The following TANK variants were observed in gnomAD, a reference collection of about 807,000 sequenced individuals.
TANK encodes the protein TRAF family member associated NFKB activator.
In TANK, 15 loss-of-function variants were observed where a neutral mutation model predicts 43.6. The ratio of observed to expected loss-of-function variants is 0.34; its 90% CI spans 0.23 to 0.53. TANK has a LOEUF of 0.53. Ranked by LOEUF, TANK falls within the 20% of genes least tolerant of loss-of-function variation. The probability of loss-of-function intolerance (pLI) is 0.94; values close to 1 mark genes in which losing one functional copy is unlikely to be tolerated. For missense variants in TANK, 417 were observed against 498.6 expected (o/e 0.84, Z 1.56); for synonymous variants, 162 against 178.2 (o/e 0.91, Z 0.73).
chr2:161,160,352 G>T, upstream of TANK: 2 of 1,047,696 alleles, frequency 1.9e-6, no homozygotes, highest in Non-Finnish European at 2.4e-6. Context: ...TTGTTGGGTG[G>T]AGGTGAAGAG....
At chr2:161,194,382 T>A (rs1686051804) in intron 2 of TANK, among the ~76,000 whole-genome samples, 2 of 152,112 alleles carry the variant, frequency 1.3e-5, no homozygotes, top group African/African-American at 2.4e-5. Flanking sequence ...AGCATTCTCC[T>A]TAATTCTAAA....
In TANK at chr2:161,231,139, C is replaced by T; in HGVS notation, c.689C>T (p.Ser230Phe). 6.2e-7 allele frequency: 1 copy of T among 1,614,076 alleles called. No homozygotes were observed. Among genetic ancestry groups the T allele is most frequent in the East Asian group, 2.2e-5 (1 of 44,888 alleles). ...DEEDTSFESL[S>F]KFNVKFPPMD... ...GAAGACACCTCTTTTGAATCACTTT[C>T]TAAATTCAATGTCAAGTTTCCACCT... Residue 230 changes from serine to phenylalanine, a missense_variant, in exon 7 of 8, where the codon TCT (serine) becomes TTT (phenylalanine). Coordinates refer to ENST00000392749, the MANE Select transcript of TANK (RefSeq NM_001199135.3).
At chr2:161,165,446 G>A (rs1328621982) in intron 1 of TANK, among the ~76,000 whole-genome samples, 3 of 152,066 alleles carry the variant, frequency 2.0e-5, no homozygotes, top group Non-Finnish European at 2.9e-5. Context: ...TTTATTATGT[G>A]GCATTTACTG....
At chr2:161,153,687 C>CAAAAAAA (rs11395042) in intron 1 of TANK, among the ~76,000 whole-genome samples, 3 of 76,320 alleles carry the variant, frequency 3.9e-5, no homozygotes, top group African/African-American at 5.6e-5. Context: ...GGCCCTGTCT[C>CAAAAAAA]AAAAAAAAAA....
chr2:161,213,584 C>T (rs1240463394), intron 4 of TANK, among the ~76,000 whole-genome samples: 3 of 140,168 alleles, frequency 2.1e-5, no homozygotes, highest in Non-Finnish European at 3.0e-5. Context: ...CCTGGGCAAG[C>T]GTGAGACTTT....
intron 1 of TANK, chr2:161,137,156 A>G (rs1683610630): frequency 7.1e-6 from 7 of 985,326 alleles, no homozygotes; most frequent in Non-Finnish European, 8.4e-6. Context: ...TTACCCTCTT[A>G]CTCTTGCTAT....
chr2:161,206,411 A>G (rs1686655687), intron 4 of TANK, among the ~76,000 whole-genome samples: 1 of 152,176 alleles, frequency 6.6e-6, no homozygotes, highest in Non-Finnish European at 1.5e-5. Flanking sequence ...CCTTCTAAAT[A>G]AAGTAGGAGA....
chr2:161,162,299 T>C (rs1209477986), intron 1 of TANK, among the ~76,000 whole-genome samples: 1 of 152,132 alleles, frequency 6.6e-6, no homozygotes, highest in Non-Finnish European at 1.5e-5. Flanking sequence ...TGAATATAAT[T>C]GCATTATCTT....
chr2:161,152,537 T>C (rs533071477), intron 1 of TANK, among the ~76,000 whole-genome samples: 8 of 152,280 alleles, frequency 5.3e-5, no homozygotes, highest in Admixed American at 3.3e-4. Context: ...GCACATAATG[T>C]GTCACTTCTT....
chr2:161,185,598 A>G (rs1685621122), intron 2 of TANK, among the ~76,000 whole-genome samples: 1 of 151,658 alleles, frequency 6.6e-6, no homozygotes, highest in Non-Finnish European at 1.5e-5. Context: ...CATTCTCAGT[A>G]AACTATTGCA....
At chr2:161,231,748 G>C (rs1687920234) in intron 7 of TANK, among the ~76,000 whole-genome samples, 197 bp downstream of exon 7, 1 of 152,134 alleles carries the variant, frequency 6.6e-6, no homozygotes, top group Admixed American at 6.5e-5. Flanking sequence ...AACTTTATTG[G>C]AAAGTACCTT....
Position 161,199,021 on chromosome 2 carries a change from T to TCTTA in TANK, c.100-4465_100-4462dup, listed in dbSNP as rs202212102. Among the ~76,000 whole-genome samples, 481 of 152,302 alleles carry TCTTA rather than the reference T, an allele frequency of 3.2e-3. 10 individuals carry two copies. The highest frequency in any genetic ancestry group is 0.024 in the Admixed American group (366 of 15,294). ...AAGAAAACTCAAAATTGAAGTTGAT[T>TCTTA]CTTAGCTTACCAAAATTTCAAGATG... is the stretch of plus-strand genomic sequence containing the variant. On this transcript the variant is annotated intron_variant, in intron 2 of 7. Coordinates refer to ENST00000392749, the MANE Select transcript of TANK (RefSeq NM_001199135.3).
chr2:161,228,513 C>T (rs1183116170), intron 6 of TANK, among the ~76,000 whole-genome samples: 1 of 151,884 alleles, frequency 6.6e-6, no homozygotes, highest in Non-Finnish European at 1.5e-5. Context: ...CCAGCCTGGG[C>T]AACAAGAGCG....
chr2:161,160,276 C>CGGGGCGGGCA (rs1469278366), upstream of TANK: 1 of 237,998 alleles, frequency 4.2e-6, no homozygotes, highest in East Asian at 5.4e-5. Flanking sequence ...GGGCGCTAGG[C>CGGGGCGGGCA]GGGGCGGGCA....
chr2:161,182,341 C>T (rs1027529975), intron 2 of TANK, among the ~76,000 whole-genome samples: 1 of 152,086 alleles, frequency 6.6e-6, no homozygotes, highest in African/African-American at 2.4e-5. Context: ...CCTCTCCCCT[C>T]CCCAAGTTGC....
At chr2:161,145,220 T>C (rs1683876168) in intron 1 of TANK, among the ~76,000 whole-genome samples, 2 of 149,632 alleles carry the variant, frequency 1.3e-5, no homozygotes, top group South Asian at 2.1e-4. Flanking sequence ...ATGTGTGTCT[T>C]TGCATGTGAG....
intron 6 of TANK, 26 bp downstream of exon 6, chr2:161,224,772 A>G: frequency 7.5e-7 from 1 of 1,328,042 alleles, no homozygotes; most frequent in Non-Finnish European, 1.0e-6. Flanking sequence ...ATTTACAGTA[A>G]TATTGATTTG....
intron 1 of TANK, among the ~76,000 whole-genome samples, chr2:161,174,957 TAATTA>T (rs1455735555): frequency 6.6e-6 from 1 of 152,184 alleles, no homozygotes; most frequent in Non-Finnish European, 1.5e-5. Context: ...TGCCGTTTGA[TAATTA>T]AATAAAAGGA....
chr2:161,214,682 A>G (rs1376059690), intron 4 of TANK, among the ~76,000 whole-genome samples: 4 of 152,172 alleles, frequency 2.6e-5, no homozygotes, highest in African/African-American at 9.6e-5. Flanking sequence ...AATTGTGACA[A>G]TAGTTGATTT....
Sources: allele counts gnomAD v4.1 joint callset (sites outside exome capture counted in the v4.1 genomes callset), GRCh38; gene constraint gnomAD v4.1.1; transcripts MANE v1.5; gene names NCBI Gene and HGNC (gene_info 2026-07-23, HGNC 2026-07-21).